SPATA31D3: variants seen among roughly 807,000 people sequenced by gnomAD.
The protein encoded by SPATA31D3 is spermatogenesis-associated protein 31D3.
For missense variants in SPATA31D3, 91 were observed against 297.9 expected (o/e 0.31, Z 5.11); for synonymous variants, 27 against 107.8 (o/e 0.25, Z 4.65).
At position 81,949,525 on chromosome 9, in the gene SPATA31D3, A is replaced by T; in HGVS notation, c.*1518A>T. The stretch of plus-strand genomic sequence containing the variant: ...TGGGACTATTGAAGCTCAGAAAATT[A>T]GGAAAGACACTGGGGAGTTCATAGA... On this transcript the variant is annotated 3_prime_UTR_variant, in exon 4 of 4. Transcript: ENST00000445385. 1.8e-6 allele frequency: 1 copy of T among 564,580 alleles called. No homozygotes were observed. Among genetic ancestry groups the T allele is most frequent in the Non-Finnish European group, 3.3e-6 (1 of 301,426 alleles). 35.0% of individuals were successfully genotyped at this position (564,580 alleles called of 1,614,324 possible).
rs1483516545 is a variant in SPATA31D3 at position 81,949,456 on chromosome 9, T to A, written c.*1449T>A. ...GGAAAAGGGTAGCTCCTTGTCATCATCTGTGCAGAATAGAGGTCGAGTTAA... is the reference window on the plus strand; with the variant it reads ...GGAAAAGGGTAGCTCCTTGTCATCAACTGTGCAGAATAGAGGTCGAGTTAA... On this transcript the variant is annotated 3_prime_UTR_variant, in exon 4 of 4. Transcript: ENST00000445385. 1.2e-5 allele frequency: 5 copies of A among 425,722 alleles called. No homozygotes were observed. In the East Asian group the frequency reaches 1.9e-4, roughly 16 times the overall value. The allele number at this position is 425,722 out of a possible 1,614,324, so 26.4% of individuals were successfully genotyped here.
chr9:81,950,022 T>G lies in SPATA31D3; in HGVS notation c.*2015T>G, dbSNP rs1258651269. On this transcript the variant is annotated 3_prime_UTR_variant, in exon 4 of 4. Transcript: ENST00000445385. ...CCAAAGCATTTGCAGGGAGGAAAAT[T>G]TCCCCCCAAAAAATAATTAACTCCT... The G allele has an allele frequency of 3.1e-6, 1 of 326,628 alleles. No homozygotes were observed. The highest frequency in any genetic ancestry group is 2.1e-5 in the African/African-American group (1 of 47,128). The allele number at this position is 326,628 out of a possible 1,614,324, so 20.2% of individuals were successfully genotyped here.
Position 81,948,178 on chromosome 9 carries a change from C to G in SPATA31D3, c.*171C>G, listed in dbSNP as rs201711762. 9 of 1,331,944 alleles carry G rather than the reference C, an allele frequency of 6.8e-6. No individual in the cohort carries two copies. The highest frequency in any genetic ancestry group is 4.1e-5 in the African/African-American group (2 of 49,212). 82.5% of individuals were successfully genotyped at this position (1,331,944 alleles called of 1,614,324 possible). A position where few individuals can be genotyped will look rare whatever the true frequency, so the allele number is the denominator to read the frequency against. ...TAAGTCTTGTAGACGAAGCACTTTT[C>G]AAGGAGAAAAGTTGGGAACAACAAG... On this transcript the variant is annotated 3_prime_UTR_variant, in exon 4 of 4. Transcript: ENST00000445385.
At position 81,949,615 on chromosome 9, in the gene SPATA31D3, G is replaced by T. The variant is rs1030906065; in HGVS notation, c.*1608G>T. 4.0e-6 allele frequency: 3 copies of T among 743,418 alleles called. No homozygotes were observed. The highest frequency in any genetic ancestry group is 1.7e-5 in the African/African-American group (1 of 57,926). 46.1% of individuals were successfully genotyped at this position (743,418 alleles called of 1,614,324 possible). On this transcript the variant is annotated 3_prime_UTR_variant, in exon 4 of 4. Transcript: ENST00000445385. The stretch of plus-strand genomic sequence containing the variant: ...TCCCCAGGAGCCCCTTTCCTCCCCA[G>T]TGCAGCTTGGGAAATCTCAGAATGT...
In SPATA31D3 at chr9:81,949,397, C is replaced by T. The variant is rs1823974524; in HGVS notation, c.*1390C>T. On this transcript the variant is annotated 3_prime_UTR_variant, in exon 4 of 4. Coordinates refer to ENST00000445385, the MANE Select transcript of SPATA31D3 (RefSeq NM_207416.3). The stretch of plus-strand genomic sequence containing the variant: ...ACCTTTTTGCAGCAGTCTAATAAAC[C>T]CATCATAACATATGGAAAACAAGAA... The T allele has an allele frequency of 2.8e-6, 1 of 357,740 alleles. No homozygotes were observed. Among genetic ancestry groups the T allele is most frequent in the African/African-American group, 2.1e-5 (1 of 47,816 alleles). 22.2% of individuals were successfully genotyped at this position (357,740 alleles called of 1,614,324 possible).
In SPATA31D3 at chr9:81,949,824, A is replaced by C. The variant is rs73478266; in HGVS notation, c.*1817A>C. ...GATAGCCCCAGGAAGTTGGACATTTAAGGGGAAGATATTGTGTCAAAGGCA... is the reference window on the plus strand; with the variant it reads ...GATAGCCCCAGGAAGTTGGACATTTCAGGGGAAGATATTGTGTCAAAGGCA... On this transcript the variant is annotated 3_prime_UTR_variant, in exon 4 of 4. Coordinates refer to ENST00000445385, the MANE Select transcript of SPATA31D3 (RefSeq NM_207416.3). The C allele has an allele frequency of 7.4e-4, 837 of 1,127,992 alleles. 3 individuals carry two copies. In the African/African-American group the frequency reaches 0.011, roughly 15 times the overall value. The allele number at this position is 1,127,992 out of a possible 1,614,324, so 69.9% of individuals were successfully genotyped here. A position where few individuals can be genotyped will look rare whatever the true frequency, so the allele number is the denominator to read the frequency against.
At position 81,949,763 on chromosome 9, in the gene SPATA31D3, A is replaced by G. The variant is rs1399534459; in HGVS notation, c.*1756A>G. On this transcript the variant is annotated 3_prime_UTR_variant, in exon 4 of 4. Coordinates refer to ENST00000445385, the MANE Select transcript of SPATA31D3 (RefSeq NM_207416.3). ...CAAGCTATCTTTGTCGGCCAGAATT[A>G]TCCTGCAATGATTAGACAGATCATA... 1 of 1,370,058 alleles carries G rather than the reference A, an allele frequency of 7.3e-7. No individual in the cohort carries two copies. The highest frequency in any genetic ancestry group is 1.4e-5 in the African/African-American group (1 of 69,724). 84.9% of individuals were successfully genotyped at this position (1,370,058 alleles called of 1,614,324 possible).
chr9:81,945,414 A>C, intron 3 of SPATA31D3, 133 bp from the exon 4 acceptor site: 1 of 228,888 alleles, frequency 4.4e-6, no homozygotes, highest in Non-Finnish European at 7.6e-6. Context: ...CTTTGAGGAG[A>C]GGCTATAGTG....
chr9:81,949,854 C>G lies in SPATA31D3; in HGVS notation c.*1847C>G, dbSNP rs1157503761. On this transcript the variant is annotated 3_prime_UTR_variant, in exon 4 of 4. Transcript: ENST00000445385. Reference sequence around the variant, plus strand: ...GAAGATATTGTGTCAAAGGCATCCCCAATCCATGCCCCACAGGAAGCCTGT... The same window carrying G: ...GAAGATATTGTGTCAAAGGCATCCCGAATCCATGCCCCACAGGAAGCCTGT... 9 of 905,812 alleles carry G rather than the reference C, an allele frequency of 9.9e-6. No individual in the cohort carries two copies. The East Asian group carries it at 2.2e-4, about 23-fold the overall frequency. 56.1% of individuals were successfully genotyped at this position (905,812 alleles called of 1,614,324 possible). A position where few individuals can be genotyped will look rare whatever the true frequency, so the allele number is the denominator to read the frequency against.
chr9:81,948,505 G>A lies in SPATA31D3; in HGVS notation c.*498G>A. The A allele has an allele frequency of 1.1e-5, 1 of 94,986 alleles. No homozygotes were observed. The highest frequency in any genetic ancestry group is 1.7e-5 in the Non-Finnish European group (1 of 60,192). The allele number at this position is 94,986 out of a possible 1,614,324, so 5.9% of individuals were successfully genotyped here. A position where few individuals can be genotyped will look rare whatever the true frequency, so the allele number is the denominator to read the frequency against. On this transcript the variant is annotated 3_prime_UTR_variant, in exon 4 of 4. Coordinates refer to ENST00000445385, the MANE Select transcript of SPATA31D3 (RefSeq NM_207416.3). ...TACTGACGAGGATCTTACAGAAAGT[G>A]TCTGGACAACTGAGGATGGCAGACA...
At chr9:81,945,333 T>A in intron 3 of SPATA31D3, 101 bp downstream of exon 3, 2 of 819,424 alleles carry the variant, frequency 2.4e-6, no homozygotes, top group South Asian at 3.4e-5. Flanking sequence ...TTCTATTCAT[T>A]TCAGGGATTC....
chr9:81,948,166 C>A lies in SPATA31D3; in HGVS notation c.*159C>A, dbSNP rs1343705242. 12 of 1,386,232 alleles carry A rather than the reference C, an allele frequency of 8.7e-6. No homozygotes were observed. In the South Asian group the frequency reaches 1.4e-4, roughly 16 times the overall value. The allele number at this position is 1,386,232 out of a possible 1,614,324, so 85.9% of individuals were successfully genotyped here. A position where few individuals can be genotyped will look rare whatever the true frequency, so the allele number is the denominator to read the frequency against. On this transcript the variant is annotated 3_prime_UTR_variant, in exon 4 of 4. Coordinates refer to ENST00000445385, the MANE Select transcript of SPATA31D3 (RefSeq NM_207416.3). ...AGATGGGGTCTCTAAGTCTTGTAGA[C>A]GAAGCACTTTTCAAGGAGAAAAGTT... is the stretch of plus-strand genomic sequence containing the variant.
rs916545309 is a variant in SPATA31D3, at chr9:81,948,951, T to G, written c.*944T>G. 7 of 328,634 alleles carry G rather than the reference T, an allele frequency of 2.1e-5. No individual in the cohort carries two copies. Among genetic ancestry groups the G allele is most frequent in the Non-Finnish European group, 3.9e-5 (7 of 179,976 alleles). 20.4% of individuals were successfully genotyped at this position (328,634 alleles called of 1,614,324 possible). A position where few individuals can be genotyped will look rare whatever the true frequency, so the allele number is the denominator to read the frequency against. ...AGTTAAAGTTGGTCCAGAGGAAGCA[T>G]AGCCAACCTCAGAGCCATTTCACTG... On this transcript the variant is annotated 3_prime_UTR_variant, in exon 4 of 4. Coordinates refer to ENST00000445385, the MANE Select transcript of SPATA31D3 (RefSeq NM_207416.3).
At chr9:81,945,311 T>TTTTTC in intron 3 of SPATA31D3, 79 bp downstream of exon 3, 1 of 1,180,226 alleles carries the variant, frequency 8.5e-7, no homozygotes, top group African/African-American at 1.8e-5. Context: ...TTTTTTTTTT[T>TTTTTC]TTTTTTGCAT....
At position 81,947,890 on chromosome 9, in the gene SPATA31D3, G is replaced by A. The variant is rs756790269; in HGVS notation, c.2637G>A (p.Glu879=). The A allele has an allele frequency of 1.6e-5, 25 of 1,612,034 alleles. No individual in the cohort carries two copies. In the Admixed American group the frequency reaches 3.3e-4, roughly 22 times the overall value. The stretch of plus-strand genomic sequence containing the variant: ...GAAATTTGGCAGCATTGGTGAGTGA[G>A]GACCACCGCGTTGATACCTCCCAGG... ...KHRNLAALVS[E]DHRVDTSQEM... Residue 879 remains glutamate (E), a synonymous_variant, in exon 4 of 4, where the codon GAG becomes GAA. Coordinates refer to ENST00000445385, the MANE Select transcript of SPATA31D3 (RefSeq NM_207416.3).
In SPATA31D3 at chr9:81,950,047, T is replaced by C. The variant is rs1164291714; in HGVS notation, c.*2040T>C. On this transcript the variant is annotated 3_prime_UTR_variant, in exon 4 of 4. Transcript: ENST00000445385. ...TTCCCCCCAAAAAATAATTAACTCC[T>C]TGTTGAGAATCTTGACTCTCCCCAA... 1.3e-5 allele frequency: 4 copies of C among 309,838 alleles called. No homozygotes were observed. Among genetic ancestry groups the C allele is most frequent in the East Asian group, 6.3e-5 (1 of 15,884 alleles). The allele number at this position is 309,838 out of a possible 1,614,324, so 19.2% of individuals were successfully genotyped here. A position where few individuals can be genotyped will look rare whatever the true frequency, so the allele number is the denominator to read the frequency against.
In SPATA31D3 at chr9:81,949,615, G is replaced by A. The variant is rs1030906065; in HGVS notation, c.*1608G>A. 2.7e-6 allele frequency: 2 copies of A among 743,420 alleles called. No individual in the cohort carries two copies. The highest frequency in any genetic ancestry group is 1.5e-5 in the South Asian group (1 of 65,536). 46.1% of individuals were successfully genotyped at this position (743,420 alleles called of 1,614,324 possible). On this transcript the variant is annotated 3_prime_UTR_variant, in exon 4 of 4. Transcript: ENST00000445385. ...TCCCCAGGAGCCCCTTTCCTCCCCA[G>A]TGCAGCTTGGGAAATCTCAGAATGT...
At chr9:81,945,273 CTT>C (rs769927001) in intron 3 of SPATA31D3, 41 bp downstream of exon 3, 55 of 92,130 alleles carry the variant, frequency 6.0e-4, no homozygotes, top group East Asian at 1.1e-3. Flanking sequence ...CCACCGCCTT[CTT>C]TTTTTTTTTT....
chr9:81,948,050 A>G lies in SPATA31D3; in HGVS notation c.*43A>G. On this transcript the variant is annotated 3_prime_UTR_variant, in exon 4 of 4. Transcript: ENST00000445385. ...CCCCGCAAGATCCGTGAACCCACAG[A>G]AATCTTCAAATCAGAAGAGGATATT... 2.5e-6 allele frequency: 4 copies of G among 1,597,560 alleles called. No homozygotes were observed. The highest frequency in any genetic ancestry group is 3.4e-6 in the Non-Finnish European group (4 of 1,172,212).
Sources: allele counts gnomAD v4.1 joint callset, GRCh38; gene constraint gnomAD v4.1.1; transcripts MANE v1.5; gene names NCBI Gene and HGNC (gene_info 2026-07-23, HGNC 2026-07-21).